SCML4: variants seen among roughly 807,000 people sequenced by gnomAD.
SCML4 encodes the protein Scm polycomb group protein like 4.
SCML4 carries 34 observed loss-of-function variants against 41.1 expected under a neutral mutation model. The ratio of observed to expected loss-of-function variants is 0.83; its 90% CI spans 0.63 to 1.10. The LOEUF is 1.10. Among genes scored for constraint, SCML4 ranks in the 50% least tolerant of loss-of-function variants. SCML4 has a pLI of 0.00. For missense variants in SCML4, 522 were observed against 534.1 expected (o/e 0.98, Z 0.22); for synonymous variants, 214 against 220.9 (o/e 0.97, Z 0.28).
At chr6:107,845,694 A>G in the SCML4 span, among the ~76,000 whole-genome samples, 1 of 152,260 alleles carries the variant, frequency 6.6e-6, no homozygotes, top group Non-Finnish European at 1.5e-5. Flanking sequence ...CTCAGATTTC[A>G]ATTGTGTATG....
At chr6:107,820,663 G>A (rs139245875) in intron 1 of SCML4, among the ~76,000 whole-genome samples, 1 of 152,236 alleles carries the variant, frequency 6.6e-6, no homozygotes, top group Non-Finnish European at 1.5e-5. Flanking sequence ...ACCAAGACGA[G>A]TGCAACAATG....
intron 1 of SCML4, among the ~76,000 whole-genome samples, chr6:107,815,052 G>A (rs537124591): frequency 6.6e-6 from 1 of 152,330 alleles, no homozygotes; most frequent in Non-Finnish European, 1.5e-5. Flanking sequence ...GCTCTGCATA[G>A]TGATCATGTA....
rs1176559137 is a variant in SCML4 at position 107,713,973 on chromosome 6, G to C, written c.974-5962C>G. 2.0e-5 allele frequency among the ~76,000 whole-genome samples: 3 copies of C among 152,114 alleles called. 1 individual carries two copies. The highest frequency in any genetic ancestry group is 7.2e-5 in the African/African-American group (3 of 41,402). On this transcript the variant is annotated intron_variant, in intron 6 of 7. Coordinates refer to ENST00000369020, the MANE Select transcript of SCML4 (RefSeq NM_198081.5). Reference sequence around the variant, plus strand: ...GTTGCCCAGGCTGGAGTGCAGTGGGGTGATCTCGGCTCACTGCAACCTCCG... The same window carrying C: ...GTTGCCCAGGCTGGAGTGCAGTGGGCTGATCTCGGCTCACTGCAACCTCCG...
At chr6:107,785,255 G>A (rs1781797821) in intron 1 of SCML4, among the ~76,000 whole-genome samples, 1 of 152,178 alleles carries the variant, frequency 6.6e-6, no homozygotes, top group Non-Finnish European at 1.5e-5. Context: ...TTCTCACTTA[G>A]ACAGCAAAAG....
intron 2 of SCML4, among the ~76,000 whole-genome samples, chr6:107,761,471 C>G (rs2114540615): frequency 6.6e-6 from 1 of 151,254 alleles, no homozygotes; most frequent in East Asian, 1.9e-4. Flanking sequence ...GAGTCTTGCT[C>G]TGTCACCCGT....
At chr6:107,763,018 G>T (rs904660968) in intron 2 of SCML4, among the ~76,000 whole-genome samples, 1 of 151,042 alleles carries the variant, frequency 6.6e-6, no homozygotes, top group Admixed American at 6.6e-5. Flanking sequence ...AAGTAGCTAG[G>T]ACTACAGGTG....
intron 6 of SCML4, among the ~76,000 whole-genome samples, chr6:107,712,042 T>TC (rs1234838634): frequency 2.6e-5 from 4 of 152,126 alleles, no homozygotes; most frequent in Non-Finnish European, 4.4e-5. Flanking sequence ...GGGGCATTTT[T>TC]CTGGGAATCT....
chr6:107,734,861 T>TTTG lies in SCML4; in HGVS notation c.682+10085_682+10087dup, dbSNP rs538676426. On this transcript the variant is annotated intron_variant, in intron 5 of 7. Coordinates refer to ENST00000369020, the MANE Select transcript of SCML4 (RefSeq NM_198081.5). ...ACTGATGGACACTTTTTAGTTTCTT[T>TTTG]TTGTTGTTGTTGTTGTTATTGTTGT... 1.8e-3 allele frequency among the ~76,000 whole-genome samples: 276 copies of TTTG among 152,192 alleles called. 1 individual carries two copies. Among genetic ancestry groups the TTTG allele is most frequent in the African/African-American group, 4.8e-3 (199 of 41,520 alleles).
chr6:107,785,889 C>T (rs117646609), intron 1 of SCML4, among the ~76,000 whole-genome samples: 2,555 of 152,256 alleles, frequency 0.017, 77 homozygotes, highest in Admixed American at 0.082. Context: ...GGGGCAGAGC[C>T]TGGCGCATAC....
chr6:107,723,623 G>A (rs796141302), intron 5 of SCML4, among the ~76,000 whole-genome samples: 16 of 152,252 alleles, frequency 1.1e-4, no homozygotes, highest in African/African-American at 3.6e-4. Context: ...AATCTGAGTA[G>A]ACCTGTAAGA....
At chr6:107,742,217 A>G (rs1302848409) in intron 5 of SCML4, among the ~76,000 whole-genome samples, 1 of 152,234 alleles carries the variant, frequency 6.6e-6, no homozygotes, top group East Asian at 1.9e-4. Context: ...TCGAAGATAG[A>G]CTATTTGGAA....
chr6:107,843,881 T>C, the SCML4 span, among the ~76,000 whole-genome samples: 7 of 152,068 alleles, frequency 4.6e-5, no homozygotes. Flanking sequence ...GGCAATGTAC[T>C]GTTAGCCAGC....
At chr6:107,823,167 G>C (rs1281717710) in intron 1 of SCML4, among the ~76,000 whole-genome samples, 1 of 152,158 alleles carries the variant, frequency 6.6e-6, no homozygotes, top group Non-Finnish European at 1.5e-5. Flanking sequence ...TCTGAGATCA[G>C]TAAAAAACCA....
At chr6:107,807,146 T>C (rs1328043389) in intron 1 of SCML4, among the ~76,000 whole-genome samples, 3 of 152,004 alleles carry the variant, frequency 2.0e-5, no homozygotes, top group South Asian at 2.1e-4. Context: ...GCCTTTATTG[T>C]TGCATTGTAT....
At chr6:107,766,496 T>A (rs1051415416) in intron 2 of SCML4, among the ~76,000 whole-genome samples, 4 of 152,032 alleles carry the variant, frequency 2.6e-5, no homozygotes, top group Admixed American at 6.5e-5. Flanking sequence ...AAAACTATTA[T>A]CGAATTTAGC....
chr6:107,811,222 T>C (rs1043743817), intron 1 of SCML4, among the ~76,000 whole-genome samples: 3 of 152,210 alleles, frequency 2.0e-5, no homozygotes, highest in Admixed American at 2.0e-4. Flanking sequence ...GTCTGCAGGA[T>C]TTTGTTATGG....
chr6:107,731,325 C>T (rs139774771), intron 5 of SCML4, among the ~76,000 whole-genome samples: 99 of 152,342 alleles, frequency 6.5e-4, no homozygotes, highest in African/African-American at 2.2e-3. Context: ...GGCATTTTAC[C>T]TGGATTCACT....
chr6:107,845,381 G>C, the SCML4 span, among the ~76,000 whole-genome samples: 1 of 152,246 alleles, frequency 6.6e-6, no homozygotes, highest in Non-Finnish European at 1.5e-5. Context: ...CTGGAGCCTA[G>C]AGACGCTCCG....
intron 7 of SCML4, among the ~76,000 whole-genome samples, 179 bp from the exon 8 acceptor site, chr6:107,705,504 T>C (rs1453084776): frequency 6.6e-6 from 1 of 152,180 alleles, no homozygotes; most frequent in Non-Finnish European, 1.5e-5. Flanking sequence ...AAATACTGTG[T>C]TCTCCTCTCC....
Sources: allele counts gnomAD v4.1 joint callset (sites outside exome capture counted in the v4.1 genomes callset), GRCh38; gene constraint gnomAD v4.1.1; transcripts MANE v1.5; gene names NCBI Gene and HGNC (gene_info 2026-07-23, HGNC 2026-07-21).